Variants in SH3RF3 observed in about 807,000 individuals in gnomAD.
The protein encoded by SH3RF3 is SH3 domain containing ring finger 3.
In SH3RF3, 29 loss-of-function variants were observed where a neutral mutation model predicts 66.3. That is an observed-to-expected ratio of 0.44 (90% confidence interval 0.33 to 0.60). The LOEUF is 0.60. SH3RF3 is among the 20% of genes least tolerant of loss of function. The pLI is 0.04. For missense variants in SH3RF3, 1,194 were observed against 1,190.9 expected, an observed-to-expected ratio of 1.00 and a Z score of -0.04; for synonymous variants, 583 against 532.0, an observed-to-expected ratio of 1.10 and a Z score of -1.32.
At chr2:109,148,923 GT>G (rs1677162088) in intron 1 of SH3RF3, among the ~76,000 whole-genome samples, 1 of 152,144 alleles carries the variant, frequency 6.6e-6, no homozygotes, top group South Asian at 2.1e-4. Context: ...AAAAAATCAA[GT>G]TCTAGACTTT....
chr2:109,426,360 A>C (rs1457455496), intron 5 of SH3RF3, among the ~76,000 whole-genome samples: 1 of 152,244 alleles, frequency 6.6e-6, no homozygotes, highest in Non-Finnish European at 1.5e-5. Flanking sequence ...AAATATCAAC[A>C]TTAACAGGAG....
chr2:109,131,537 C>T (rs2104797030), intron 1 of SH3RF3, among the ~76,000 whole-genome samples: 1 of 152,294 alleles, frequency 6.6e-6, no homozygotes, highest in South Asian at 2.1e-4. Context: ...AACGCTGGGA[C>T]ATTCTGATGA....
rs1207741006 is a variant in SH3RF3 at position 109,501,817 on chromosome 2, C to T, written c.*146C>T. ...GGGATACCCTGGCCCAGGGTGGGGG[C>T]CAGGGACTGTGGAGGTCGTGCCTTC... On this transcript the variant is annotated 3_prime_UTR_variant, in exon 10 of 10. Transcript: ENST00000309415. 6.6e-6 allele frequency: 4 copies of T among 604,966 alleles called. No individual in the cohort carries two copies. The East Asian group carries it at 8.2e-5, about 12-fold the overall frequency. The allele number at this position is 604,966 out of a possible 1,614,324, so 37.5% of individuals were successfully genotyped here.
At chr2:109,430,678 A>G (rs1350283406) in intron 5 of SH3RF3, among the ~76,000 whole-genome samples, 2 of 152,162 alleles carry the variant, frequency 1.3e-5, no homozygotes, top group Admixed American at 1.3e-4. Context: ...TATTTCCTCT[A>G]TGGTGATGGG....
chr2:109,355,497 A>G (rs1682929829), intron 2 of SH3RF3, among the ~76,000 whole-genome samples: 1 of 152,244 alleles, frequency 6.6e-6, no homozygotes, highest in Admixed American at 6.5e-5. Flanking sequence ...TCATGCTACA[A>G]TGGAGGGTTG....
chr2:109,247,702 A>G (rs902010347), intron 1 of SH3RF3, among the ~76,000 whole-genome samples: 10 of 152,166 alleles, frequency 6.6e-5, no homozygotes, highest in African/African-American at 2.2e-4. Flanking sequence ...AACATCTTCT[A>G]TATGTTTTTC....
chr2:109,387,988 G>A (rs937305164), intron 3 of SH3RF3, among the ~76,000 whole-genome samples: 2 of 152,030 alleles, frequency 1.3e-5, no homozygotes, highest in African/African-American at 4.8e-5. Context: ...GGACTCCTCG[G>A]TCCCTGTTCA....
intron 1 of SH3RF3, among the ~76,000 whole-genome samples, chr2:109,290,498 T>C (rs1039753222): frequency 1.3e-5 from 2 of 152,260 alleles, no homozygotes; most frequent in Non-Finnish European, 2.9e-5. Context: ...CCAACTTCTA[T>C]TTTCCTCACT....
chr2:109,214,160 A>G (rs1679056112), intron 1 of SH3RF3, among the ~76,000 whole-genome samples: 1 of 152,186 alleles, frequency 6.6e-6, no homozygotes, highest in South Asian at 2.1e-4. Flanking sequence ...GGGCCTCAGC[A>G]GGCTGTTGGA....
At chr2:109,294,560 CA>C (rs559065417) in intron 1 of SH3RF3, among the ~76,000 whole-genome samples, 5,690 of 100,606 alleles carry the variant, frequency 0.057, 262 homozygotes, top group African/African-American at 0.15. Flanking sequence ...GACTCAGTCT[CA>C]AAAAAAAAAA....
In SH3RF3 at chr2:109,503,163, A is replaced by C. The variant is rs974233924; in HGVS notation, c.*1492A>C. On this transcript the variant is annotated 3_prime_UTR_variant, in exon 10 of 10. Transcript: ENST00000309415. ...TGTTCTCAAGATTCACACCTTAGGA[A>C]CACATTTTTATCACCTCAAAATTTT... The C allele has an allele frequency of 6.6e-6, 1 of 152,212 alleles. No individual in the cohort carries two copies. The highest frequency in any genetic ancestry group is 1.5e-5 in the Non-Finnish European group (1 of 68,034). The allele number at this position is 152,212 out of a possible 1,614,324, so 9.4% of individuals were successfully genotyped here.
intron 8 of SH3RF3, among the ~76,000 whole-genome samples, chr2:109,465,202 GTTTA>G (rs753602532): frequency 6.6e-6 from 1 of 152,192 alleles, no homozygotes; most frequent in Non-Finnish European, 1.5e-5. Flanking sequence ...ATGTACCACA[GTTTA>G]TTTATCCATT....
chr2:109,272,860 G>A (rs563348124), intron 1 of SH3RF3, among the ~76,000 whole-genome samples: 11 of 152,172 alleles, frequency 7.2e-5, no homozygotes, highest in African/African-American at 2.4e-4. Flanking sequence ...GTGTTCTGTC[G>A]GCAAACGTTC....
intron 1 of SH3RF3, among the ~76,000 whole-genome samples, chr2:109,343,966 A>T (rs1682620971): frequency 6.6e-6 from 1 of 151,380 alleles, no homozygotes; most frequent in Admixed American, 6.6e-5. Context: ...CTAGCCTTAA[A>T]CTCCTGGCCT....
At chr2:109,304,819 T>G (rs571212836) in intron 1 of SH3RF3, among the ~76,000 whole-genome samples, 1 of 152,124 alleles carries the variant, frequency 6.6e-6, no homozygotes, top group Non-Finnish European at 1.5e-5. Flanking sequence ...ATTGCTAGAT[T>G]AGACCTCGTG....
intron 3 of SH3RF3, among the ~76,000 whole-genome samples, chr2:109,392,664 G>A (rs1037484206): frequency 5.9e-5 from 9 of 152,058 alleles, no homozygotes; most frequent in Non-Finnish European, 1.0e-4. Flanking sequence ...GACTACAGGC[G>A]CCTGCCACCA....
chr2:109,494,935 G>C (rs189848419), intron 9 of SH3RF3, among the ~76,000 whole-genome samples: 118 of 152,218 alleles, frequency 7.8e-4, no homozygotes, highest in Middle Eastern at 3.4e-3. Context: ...TCTGAGAAAG[G>C]ACTAGGGGAG....
Position 109,347,755 on chromosome 2 carries a change from G to A in SH3RF3, c.655G>A (p.Asp219Asn), listed in dbSNP as rs201449254. Residue 219 changes from aspartate (D) to asparagine (N), a missense_variant, in exon 2 of 10, where the codon GAC (aspartate) becomes AAC (asparagine). Physicochemically the swap from Asp to Asn is conservative, Grantham distance 23. Transcript: ENST00000309415. ...TGGTGACCTCAAGTTCAACAAGGGG[G>A]ACATCATCGTCCTGCGGCGCAAGGT... ...EPGDLKFNKG[D>N]IIVLRRKVDE... 6.1e-5 allele frequency: 98 copies of A among 1,613,848 alleles called. No homozygotes were observed. The highest frequency in any genetic ancestry group is 7.6e-5 in the Non-Finnish European group (90 of 1,179,880).
intron 8 of SH3RF3, among the ~76,000 whole-genome samples, chr2:109,480,747 C>T (rs1678814260): frequency 6.6e-6 from 1 of 152,152 alleles, no homozygotes; most frequent in African/African-American, 2.4e-5. Flanking sequence ...CCTCCTGGAT[C>T]CCCTGGGCTC....
Sources: gnomAD v4.1 joint callset for allele counts (sites outside exome capture counted in the v4.1 genomes callset) on GRCh38, gnomAD v4.1.1 for gene constraint, MANE v1.5 for transcripts, NCBI Gene and HGNC (gene_info 2026-07-23, HGNC 2026-07-21) for gene names.